The following DCC variants were observed in gnomAD, a reference collection of about 807,000 sequenced individuals.
DCC encodes DCC netrin 1 receptor, also known as netrin receptor DCC.
DCC carries 58 observed loss-of-function variants against 172.5 expected under a neutral mutation model. The observed-to-expected ratio is 0.34, with a 90% confidence interval of 0.27 to 0.42. DCC has a LOEUF of 0.42. Among genes scored for constraint, DCC ranks in the 10% least tolerant of loss-of-function variants. The probability of loss-of-function intolerance (pLI) is 1.00; values close to 1 mark genes in which losing one functional copy is unlikely to be tolerated. For synonymous variants in DCC, 709 were observed against 644.5 expected, an observed-to-expected ratio of 1.10 and a Z score of -1.52; for missense variants, 1,740 against 1,791.0, an observed-to-expected ratio of 0.97 and a Z score of 0.51.
chr18:52,974,548 T>G (rs2041083950), intron 5 of DCC, among the ~76,000 whole-genome samples: 1 of 152,200 alleles, frequency 6.6e-6, no homozygotes, highest in Non-Finnish European at 1.5e-5. Context: ...AGAGTGATTA[T>G]TTTGCTTGAA....
intron 5 of DCC, among the ~76,000 whole-genome samples, chr18:52,960,686 A>G (rs2040828971): frequency 6.6e-6 from 1 of 152,044 alleles, no homozygotes; most frequent in Non-Finnish European, 1.5e-5. Context: ...CTCTTTACTG[A>G]CTTCATTAGC....
At chr18:53,313,528 G>C (rs930899838) in intron 13 of DCC, among the ~76,000 whole-genome samples, 1 of 152,136 alleles carries the variant, frequency 6.6e-6, no homozygotes, top group African/African-American at 2.4e-5. Flanking sequence ...TTACAGGCTT[G>C]AGCCACCGCT....
intron 7 of DCC, among the ~76,000 whole-genome samples, chr18:53,128,901 A>G (rs1250238481): frequency 7.2e-5 from 9 of 124,458 alleles, no homozygotes; most frequent in Non-Finnish European, 1.3e-4. Context: ...ATATATATAT[A>G]TATTATTTGG....
At chr18:52,476,355 G>A (rs756413117) in intron 1 of DCC, among the ~76,000 whole-genome samples, 6 of 152,156 alleles carry the variant, frequency 3.9e-5, no homozygotes, top group African/African-American at 1.2e-4. Context: ...GTTTAGGGGC[G>A]TGTGTGTGTT....
chr18:53,121,681 A>G (rs1176014353), intron 7 of DCC, among the ~76,000 whole-genome samples: 3 of 151,914 alleles, frequency 2.0e-5, no homozygotes, highest in African/African-American at 7.2e-5. Context: ...ACAATGTAAT[A>G]CTAACGGAGC....
At chr18:52,916,258 T>A (rs898697510) in intron 3 of DCC, among the ~76,000 whole-genome samples, 3 of 151,644 alleles carry the variant, frequency 2.0e-5, no homozygotes. Flanking sequence ...GAAAGGACAG[T>A]CAATAGAAAA....
intron 2 of DCC, among the ~76,000 whole-genome samples, chr18:52,895,881 C>A (rs1013075692): frequency 6.6e-5 from 10 of 151,964 alleles, no homozygotes; most frequent in Non-Finnish European, 1.2e-4. Flanking sequence ...GCCTCCTGGG[C>A]TCAAGTGATT....
intron 12 of DCC, among the ~76,000 whole-genome samples, chr18:53,221,736 G>A (rs1285603633): frequency 6.6e-6 from 1 of 152,098 alleles, no homozygotes; most frequent in Non-Finnish European, 1.5e-5. Context: ...AAATAAAACA[G>A]TTTTCCATTT....
chr18:53,017,272 A>G (rs930443554), intron 5 of DCC, among the ~76,000 whole-genome samples: 1 of 152,132 alleles, frequency 6.6e-6, no homozygotes, highest in Non-Finnish European at 1.5e-5. Flanking sequence ...CTTATGCTTC[A>G]TAACATGCAA....
At chr18:53,386,399 A>G (rs1465202328) in intron 16 of DCC, among the ~76,000 whole-genome samples, 2 of 152,168 alleles carry the variant, frequency 1.3e-5, no homozygotes, top group South Asian at 2.1e-4. Flanking sequence ...GACTTAGAGA[A>G]TATAGATCTC....
At chr18:52,810,192 C>T (rs1406985782) in intron 2 of DCC, among the ~76,000 whole-genome samples, 6 of 152,122 alleles carry the variant, frequency 3.9e-5, no homozygotes, top group Non-Finnish European at 7.4e-5. Context: ...ATGAAAGCAT[C>T]ACCAATGACC....
At chr18:52,607,519 C>T (rs542240814) in intron 1 of DCC, among the ~76,000 whole-genome samples, 3 of 152,222 alleles carry the variant, frequency 2.0e-5, no homozygotes, top group Non-Finnish European at 2.9e-5. Context: ...GACTGTCTGC[C>T]TATAGCTCAA....
At chr18:52,353,232 T>C (rs1324644248) in intron 1 of DCC, among the ~76,000 whole-genome samples, 1 of 152,142 alleles carries the variant, frequency 6.6e-6, no homozygotes, top group Non-Finnish European at 1.5e-5. Flanking sequence ...CCCTTGAAAA[T>C]GCTCTTTGTG....
chr18:52,783,101 A>G (rs1387014145), intron 2 of DCC, among the ~76,000 whole-genome samples: 1 of 151,916 alleles, frequency 6.6e-6, no homozygotes, highest in Non-Finnish European at 1.5e-5. Flanking sequence ...AACTACCAAT[A>G]CTTTCAGAGG....
At chr18:52,528,048 G>A (rs1054151228) in intron 1 of DCC, among the ~76,000 whole-genome samples, 2 of 152,148 alleles carry the variant, frequency 1.3e-5, no homozygotes, top group Non-Finnish European at 2.9e-5. Context: ...CTTTATTACA[G>A]CTAAATATGA....
intron 5 of DCC, among the ~76,000 whole-genome samples, chr18:52,956,432 CTATT>C (rs143050899): frequency 0.011 from 1,598 of 152,112 alleles, 12 homozygotes; most frequent in Middle Eastern, 0.017. Context: ...TTCCATTGAT[CTATT>C]TATTTATTCT....
At chr18:53,483,798 T>G (rs1379086140) in intron 25 of DCC, among the ~76,000 whole-genome samples, 1 of 151,902 alleles carries the variant, frequency 6.6e-6, no homozygotes, top group Non-Finnish European at 1.5e-5. Context: ...CAATGGCATA[T>G]AGCGTAAAAT....
intron 22 of DCC, among the ~76,000 whole-genome samples, chr18:53,449,021 A>G (rs1568138623): frequency 2.0e-5 from 3 of 152,220 alleles, no homozygotes. Context: ...ATTTTATCTA[A>G]TTCTGTCAGT....
In DCC at chr18:52,687,609, G is replaced by T. The variant is rs371290223; in HGVS notation, c.92-64445G>T. ...GTAGATACTTTTGCAAATAAATGTAGTTAACGTATATACATACAATTTAAA... is the reference window on the plus strand; with the variant it reads ...GTAGATACTTTTGCAAATAAATGTATTTAACGTATATACATACAATTTAAA... On this transcript the variant is annotated intron_variant, in intron 1 of 28. Coordinates refer to ENST00000442544, the MANE Select transcript of DCC (RefSeq NM_005215.4). Among the ~76,000 whole-genome samples the T allele has an allele frequency of 5.3e-5, 8 of 151,938 alleles. No homozygotes were observed. In the East Asian group the frequency reaches 7.8e-4, roughly 15 times the overall value.
Sources: allele counts gnomAD v4.1 joint callset (sites outside exome capture counted in the v4.1 genomes callset), GRCh38; gene constraint gnomAD v4.1.1; transcripts MANE v1.5; gene names NCBI Gene and HGNC (gene_info 2026-07-23, HGNC 2026-07-21).